Variants in ZNF317 observed in about 807,000 individuals in gnomAD.
The protein encoded by ZNF317 is zinc finger protein 317.
Under a neutral mutation model 23.4 loss-of-function variants are expected in ZNF317, and 17 were observed. The observed-to-expected ratio is 0.73, with a 90% CI of 0.50 to 1.09. ZNF317 has a LOEUF of 1.09. Ranked by LOEUF, ZNF317 falls within the 50% of genes least tolerant of loss-of-function variation. The pLI is 0.00. For synonymous variants in ZNF317, 317 were observed against 314.9 expected (o/e 1.01, Z -0.07); for missense variants, 679 against 796.7 (o/e 0.85, Z 1.78).
intron 2 of ZNF317, 151 bp from the exon 3 acceptor site, chr19:9,156,461 A>T (rs1050478780): frequency 9.7e-7 from 1 of 1,028,984 alleles, no homozygotes; most frequent in East Asian, 2.4e-5. Flanking sequence ...TATGAAACTG[A>T]TGTGTGCAAG....
chr19:9,156,560 A>AT, intron 2 of ZNF317, 52 bp from the exon 3 acceptor site: 1 of 1,586,638 alleles, frequency 6.3e-7, no homozygotes, highest in Non-Finnish European at 8.6e-7. Context: ...CAAGTGTTGT[A>AT]TTATGAGACA....
At position 9,161,306 on chromosome 19, in the gene ZNF317, G is replaced by T; in HGVS notation, c.1661G>T (p.Gly554Val). 3.1e-6 allele frequency: 5 copies of T among 1,613,884 alleles called. No homozygotes were observed. Among genetic ancestry groups the T allele is most frequent in the Non-Finnish European group, 4.2e-6 (5 of 1,179,848 alleles). Reference sequence around the variant, plus strand: ...AATGTGCACAGGCGGATCCACACCGGGGAGAAGCCCTACGAATGCCTTGTC... The same window carrying T: ...AATGTGCACAGGCGGATCCACACCGTGGAGAAGCCCTACGAATGCCTTGTC... ...NLNVHRRIHT[G>V]EKPYECLVCG... is the part of the protein sequence containing the mutation. The change falls in exon 7 of 7, where the codon GGG (glycine) becomes GTG (valine). Residue 554 changes from glycine (G) to valine (V), a missense_variant. Gly to Val is a moderately radical substitution (Grantham distance 109). Transcript: ENST00000247956. This position sits in a 1 kb window ranked among gnomAD's most constrained non-coding sequence, Gnocchi z 4.0.
chr19:9,155,317 G>A (rs1303683132), intron 1 of ZNF317, among the ~76,000 whole-genome samples: 2 of 152,132 alleles, frequency 1.3e-5, no homozygotes, highest in East Asian at 1.9e-4. Context: ...CTCAAAAGAT[G>A]TTTAAATTCA....
chr19:9,161,384 A>C lies in ZNF317; in HGVS notation c.1739A>C (p.His580Pro). 6.2e-7 allele frequency: 1 copy of C among 1,614,068 alleles called. No individual in the cohort carries two copies. Among genetic ancestry groups the C allele is most frequent in the Non-Finnish European group, 8.5e-7 (1 of 1,179,942 alleles). ...TCCCTCAGGAGCCACGTGAAAACTC[A>C]CCGGGGAGAGAAGCTCTTTGTGTCA... is the stretch of plus-strand genomic sequence containing the variant. ...HSSLRSHVKT[H>P]RGEKLFVSSV... The change falls in exon 7 of 7, where the codon CAC (histidine) becomes CCC (proline). Residue 580 changes from histidine to proline, a missense_variant. By Grantham distance (77) the His-to-Pro change is moderately conservative. Coordinates refer to ENST00000247956, the MANE Select transcript of ZNF317 (RefSeq NM_020933.5). The surrounding 1 kb of genome is among the most constrained non-coding windows in gnomAD (Gnocchi z 4.0).
At chr19:9,143,248 A>T (rs2050650620) in intron 1 of ZNF317, among the ~76,000 whole-genome samples, 2 of 152,068 alleles carry the variant, frequency 1.3e-5, no homozygotes, top group Non-Finnish European at 2.9e-5. Flanking sequence ...TAATAATTAT[A>T]TGTTGCTTTT....
At position 9,140,436 on chromosome 19, in the gene ZNF317, C is replaced by A. The variant is rs1211249595; in HGVS notation, c.-249C>A. The A allele has an allele frequency of 4.4e-6, 2 of 450,088 alleles. No individual in the cohort carries two copies. Among genetic ancestry groups the A allele is most frequent in the South Asian group, 1.6e-5 (1 of 63,736 alleles). The allele number at this position is 450,088 out of a possible 1,614,324, so 27.9% of individuals were successfully genotyped here. ...CATTACTCTCTGGAGTCGATTGCCCCGAGACACATGGGCCAAGGAGGGGTC... is the reference window on the plus strand; with the variant it reads ...CATTACTCTCTGGAGTCGATTGCCCAGAGACACATGGGCCAAGGAGGGGTC... On this transcript the variant is annotated 5_prime_UTR_variant, in exon 1 of 7. Transcript: ENST00000247956.
Position 9,140,435 on chromosome 19 carries a change from C to T in ZNF317, c.-250C>T, listed in dbSNP as rs758875308. 12 of 450,228 alleles carry T rather than the reference C, an allele frequency of 2.7e-5. No homozygotes were observed. The highest frequency in any genetic ancestry group is 1.6e-4 in the African/African-American group (8 of 49,880). The allele number at this position is 450,228 out of a possible 1,614,324, so 27.9% of individuals were successfully genotyped here. A position where few individuals can be genotyped will look rare whatever the true frequency, so the allele number is the denominator to read the frequency against. Reference sequence around the variant, plus strand: ...CCATTACTCTCTGGAGTCGATTGCCCCGAGACACATGGGCCAAGGAGGGGT... The same window carrying T: ...CCATTACTCTCTGGAGTCGATTGCCTCGAGACACATGGGCCAAGGAGGGGT... On this transcript the variant is annotated 5_prime_UTR_variant, in exon 1 of 7. Coordinates refer to ENST00000247956, the MANE Select transcript of ZNF317 (RefSeq NM_020933.5).
In ZNF317 at chr19:9,159,423, G is replaced by A. The variant is rs1267098774; in HGVS notation, c.468+515G>A. 4.4e-5 allele frequency among the ~76,000 whole-genome samples: 5 copies of A among 114,064 alleles called. No homozygotes were observed. In the East Asian group the frequency reaches 1.1e-3, roughly 25 times the overall value. The allele number at this position is 114,064 out of a possible 152,430, so 74.8% of individuals were successfully genotyped here. The stretch of plus-strand genomic sequence containing the variant: ...AGGATTTCACCATGTTGCCCAGGCT[G>A]GTCTTGAACTCCTGGAGATCCATCA... On this transcript the variant is annotated intron_variant, in intron 6 of 6. Transcript: ENST00000247956.
chr19:9,158,072 G>A lies in ZNF317; in HGVS notation c.382G>A (p.Ala128Thr), dbSNP rs2050805502. 6.5e-7 allele frequency: 1 copy of A among 1,550,238 alleles called. No individual in the cohort carries two copies. The highest frequency in any genetic ancestry group is 1.4e-5 in the African/African-American group (1 of 73,014). The change falls in exon 5 of 7, where the codon GCA becomes ACA. Residue 128 changes from alanine to threonine, a missense_variant. Physicochemically the swap from Ala to Thr is moderately conservative, Grantham distance 58 (BLOSUM62 0). Coordinates refer to ENST00000247956, the MANE Select transcript of ZNF317 (RefSeq NM_020933.5). ...GAGGGGCGCTCACCAGGGCGCTTGT[G>A]CAGGTGAGCGAGCCCCAGGCAAAGA... ...EERGAHQGAC[A>T]DWETPSKTKW... is the part of the protein sequence containing the mutation.
At position 9,161,050 on chromosome 19, in the gene ZNF317, A is replaced by T; in HGVS notation, c.1405A>T (p.Thr469Ser). 5.6e-6 allele frequency: 9 copies of T among 1,614,072 alleles called. No individual in the cohort carries two copies. The highest frequency in any genetic ancestry group is 7.6e-6 in the Non-Finnish European group (9 of 1,180,012). ...CCTCACCGCACACAGGAAGATACAC[A>T]CGCAAGAGAGACGCTACGAATGCGC... ...SNLTAHRKIH[T>S]QERRYECAAC... Residue 469 changes from threonine (T) to serine (S), a missense_variant, in exon 7 of 7, where the codon ACG becomes TCG. By Grantham distance (58) the Thr-to-Ser change is moderately conservative (BLOSUM62 1). Transcript: ENST00000247956. This position sits in a 1 kb window ranked among gnomAD's most constrained non-coding sequence, Gnocchi z 4.0.
chr19:9,150,032 G>A (rs2050722572), intron 1 of ZNF317, among the ~76,000 whole-genome samples: 1 of 152,184 alleles, frequency 6.6e-6, no homozygotes, highest in Admixed American at 6.5e-5. Flanking sequence ...TGAAGGTGAT[G>A]ACGAGCAAGG....
Position 9,162,896 on chromosome 19 carries a change from A to G in ZNF317, c.*1463A>G, listed in dbSNP as rs749399382. 1 of 152,132 alleles carries G rather than the reference A, an allele frequency of 6.6e-6. No homozygotes were observed. The highest frequency in any genetic ancestry group is 2.4e-5 in the African/African-American group (1 of 41,434). The allele number at this position is 152,132 out of a possible 1,614,324, so 9.4% of individuals were successfully genotyped here. On this transcript the variant is annotated 3_prime_UTR_variant, in exon 7 of 7. Coordinates refer to ENST00000247956, the MANE Select transcript of ZNF317 (RefSeq NM_020933.5). ...CGACCAGAGCATGATGCCTCCATCAAGTGGTAATATGTTTGCAGCCTGCTG... is the reference window on the plus strand; with the variant it reads ...CGACCAGAGCATGATGCCTCCATCAGGTGGTAATATGTTTGCAGCCTGCTG...
At position 9,162,269 on chromosome 19, in the gene ZNF317, C is replaced by T. The variant is rs532971628; in HGVS notation, c.*836C>T. ...TCCAGCACACAGGAGCCCCCCACAA[C>T]GAAGAGTTAGTGCCCCCAAACGTCA... On this transcript the variant is annotated 3_prime_UTR_variant, in exon 7 of 7. Coordinates refer to ENST00000247956, the MANE Select transcript of ZNF317 (RefSeq NM_020933.5). The T allele has an allele frequency of 1.4e-4, 21 of 152,178 alleles. No homozygotes were observed. Among genetic ancestry groups the T allele is most frequent in the Admixed American group, 3.9e-4 (6 of 15,290 alleles). The allele number at this position is 152,178 out of a possible 1,614,324, so 9.4% of individuals were successfully genotyped here.
intron 1 of ZNF317, among the ~76,000 whole-genome samples, chr19:9,149,595 G>A (rs1286151207): frequency 6.6e-6 from 1 of 152,014 alleles, no homozygotes; most frequent in Non-Finnish European, 1.5e-5. Context: ...AAGCAGAGGA[G>A]CAGCAGGTGC....
At chr19:9,141,796 T>G (rs73494587) in intron 1 of ZNF317, among the ~76,000 whole-genome samples, 36,769 of 151,988 alleles carry the variant, frequency 0.24, 4,906 homozygotes, top group African/African-American at 0.37. Flanking sequence ...TAAAGTGTTT[T>G]TTGTTGTTGT....
chr19:9,157,013 C>A, intron 3 of ZNF317: 1 of 636,368 alleles, frequency 1.6e-6, no homozygotes. Context: ...GCAAAGCTCT[C>A]GGAGTGGGCT....
At chr19:9,150,739 T>C (rs1031328816) in intron 1 of ZNF317, among the ~76,000 whole-genome samples, 18 of 152,058 alleles carry the variant, frequency 1.2e-4, no homozygotes. Flanking sequence ...GTGAGCAAGA[T>C]GATGTGTCAG....
chr19:9,156,949 T>C lies in ZNF317; in HGVS notation c.162+201T>C, dbSNP rs1236429316. On this transcript the variant is annotated intron_variant, in intron 3 of 6. Transcript: ENST00000247956. ...ATTTATGTAGCATCTGTTTCCCTCATGCTTGCAAAATCTCAGGCCCTTGCT... is the reference window on the plus strand; with the variant it reads ...ATTTATGTAGCATCTGTTTCCCTCACGCTTGCAAAATCTCAGGCCCTTGCT... 8 of 721,268 alleles carry C rather than the reference T, an allele frequency of 1.1e-5. No homozygotes were observed. The South Asian group carries it at 1.2e-4, about 11-fold the overall frequency. 44.7% of individuals were successfully genotyped at this position (721,268 alleles called of 1,614,324 possible).
In ZNF317 at chr19:9,162,552, C is replaced by T. The variant is rs911369885; in HGVS notation, c.*1119C>T. ...GAATACGGGATTGCACTTACTCTTT[C>T]ATCACGGAAACAGACCCCCCGAGAG... is the stretch of plus-strand genomic sequence containing the variant. On this transcript the variant is annotated 3_prime_UTR_variant, in exon 7 of 7. Coordinates refer to ENST00000247956, the MANE Select transcript of ZNF317 (RefSeq NM_020933.5). The T allele has an allele frequency of 5.4e-5, 7 of 129,514 alleles. No individual in the cohort carries two copies. The highest frequency in any genetic ancestry group is 9.5e-5 in the Non-Finnish European group (6 of 63,388). 8.0% of individuals were successfully genotyped at this position (129,514 alleles called of 1,614,324 possible).
Sources: allele counts gnomAD v4.1 joint callset (sites outside exome capture counted in the v4.1 genomes callset), GRCh38; gene constraint gnomAD v4.1.1; non-coding constraint Gnocchi (gnomAD v3.1); transcripts MANE v1.5; gene names NCBI Gene and HGNC (gene_info 2026-07-23, HGNC 2026-07-21).